Variants in AFP observed in about 807,000 individuals in gnomAD.
The protein encoded by AFP is alpha-fetoprotein.
In AFP, 64 loss-of-function variants were observed where a neutral mutation model predicts 78.9. That is an observed-to-expected ratio of 0.81 (90% CI 0.66 to 1.00). The LOEUF (loss-of-function observed/expected upper bound fraction) is 1.00. Among genes scored for constraint, AFP ranks in the 50% least tolerant of loss-of-function variants. The probability of loss-of-function intolerance (pLI) is 0.00; values close to 1 mark genes in which losing one functional copy is unlikely to be tolerated. For missense variants in AFP, 689 were observed against 703.8 expected, an observed-to-expected ratio of 0.98 and a Z score of 0.24; for synonymous variants, 254 against 243.8, an observed-to-expected ratio of 1.04 and a Z score of -0.39.
intron 11 of AFP, among the ~76,000 whole-genome samples, chr4:73,451,729 C>A (rs1391833934): frequency 6.6e-6 from 1 of 152,166 alleles, no homozygotes; most frequent in African/African-American, 2.4e-5. Flanking sequence ...ACAAATTATA[C>A]CACCCTCATA....
intron 5 of AFP, among the ~76,000 whole-genome samples, chr4:73,442,679 A>C (rs1376429809): frequency 6.6e-6 from 1 of 152,192 alleles, no homozygotes; most frequent in Non-Finnish European, 1.5e-5. Context: ...AAAGACAGAC[A>C]GACAGAAAGA....
intron 9 of AFP, 102 bp downstream of exon 9, chr4:73,449,569 A>G: frequency 7.4e-7 from 1 of 1,348,686 alleles, no homozygotes; most frequent in Non-Finnish European, 1.1e-6. Flanking sequence ...ACTAGTTGTT[A>G]GCCAGTTATA....
intron 11 of AFP, 71 bp from the exon 12 acceptor site, chr4:73,452,330 T>C (rs1720018791): frequency 8.0e-7 from 1 of 1,252,924 alleles, no homozygotes; most frequent in Non-Finnish European, 1.2e-6. Context: ...GCAGCAGTTT[T>C]CTGAAAAACT....
At chr4:73,444,614 G>T (rs903456784) in intron 6 of AFP, among the ~76,000 whole-genome samples, 7 of 152,018 alleles carry the variant, frequency 4.6e-5, no homozygotes, top group African/African-American at 1.4e-4. Flanking sequence ...TTTTACCCCA[G>T]TAAAAAATGG....
chr4:73,447,296 A>C (rs1719858538), intron 7 of AFP, among the ~76,000 whole-genome samples, 166 bp from the exon 8 acceptor site: 4 of 146,810 alleles, frequency 2.7e-5, no homozygotes, highest in African/African-American at 7.5e-5. Context: ...TCCTTCCTCC[A>C]TCCCTCTCTA....
intron 8 of AFP, among the ~76,000 whole-genome samples, chr4:73,448,839 A>G (rs890909445): frequency 4.6e-5 from 7 of 152,094 alleles, no homozygotes; most frequent in African/African-American, 1.7e-4. Flanking sequence ...CCACATTCAA[A>G]GTTAGTGGCC....
At chr4:73,444,934 T>G in intron 6 of AFP, 59 bp from the exon 7 acceptor site, 1 of 1,439,624 alleles carries the variant, frequency 6.9e-7, no homozygotes, top group South Asian at 1.2e-5. Flanking sequence ...CTCTATAAAT[T>G]CTATTTTATT....
chr4:73,453,994 T>G, intron 13 of AFP, 97 bp downstream of exon 13: 1 of 1,427,772 alleles, frequency 7.0e-7, no homozygotes, highest in Admixed American at 1.9e-5. Context: ...CTTTAAAATA[T>G]TTTCAGAGAG....
intron 6 of AFP, 39 bp downstream of exon 6, chr4:73,443,483 A>G: frequency 1.3e-6 from 2 of 1,491,880 alleles, no homozygotes; most frequent in South Asian, 2.3e-5. Flanking sequence ...GGTGAGAGCT[A>G]CAGAACTACC....
At position 73,437,823 on chromosome 4, in the gene AFP, AT is replaced by A. The variant is rs528295808; in HGVS notation, c.138-342del. 1.0e-3 allele frequency among the ~76,000 whole-genome samples: 157 copies of A among 150,990 alleles called. 1 individual carries two copies. The highest frequency in any genetic ancestry group is 7.9e-3 in the South Asian group (38 of 4,798). ...CTGTTAGAGGTCTGTCTAATTACCA[AT>A]TTTTTTTTGCTTAAATTTAAAAGTA... On this transcript the variant is annotated intron_variant, in intron 2 of 14. Transcript: ENST00000395792.
In AFP at chr4:73,453,786, G is replaced by T; in HGVS notation, c.1674G>T (p.Lys558Asn). The T allele has an allele frequency of 6.2e-7, 1 of 1,613,658 alleles. No homozygotes were observed. The highest frequency in any genetic ancestry group is 8.5e-7 in the Non-Finnish European group (1 of 1,179,642). The change falls in exon 13 of 15, where the codon AAG becomes AAT. Residue 558 changes from lysine (K) to asparagine (N), a missense_variant. Lys to Asn is a moderately conservative substitution (Grantham distance 94, BLOSUM62 0). Transcript: ENST00000395792. ...ACAGGTTTCTCATTAACCTTGTGAAGCAAAAGCCACAAATAACAGAGGAAC... is the reference window on the plus strand; with the variant it reads ...ACAGGTTTCTCATTAACCTTGTGAATCAAAAGCCACAAATAACAGAGGAAC... ...MKQEFLINLV[K>N]QKPQITEEQL...
At position 73,447,552 on chromosome 4, in the gene AFP, C is replaced by A; in HGVS notation, c.934C>A (p.Gln312Lys). Residue 312 changes from glutamine to lysine, a missense_variant, in exon 8 of 15, where the codon CAA (glutamine) becomes AAA (lysine). Physicochemically the swap from Gln to Lys is moderately conservative, Grantham distance 53. Coordinates refer to ENST00000395792, the MANE Select transcript of AFP (RefSeq NM_001134.3). The stretch of plus-strand genomic sequence containing the variant: ...CAAACTGACCACGCTGGAACGTGGT[C>A]AATGTATAATTCATGCAGAAAATGA... ...CCKLTTLERGQCIIHAENDEK... is the reference protein window; with the variant it reads ...CCKLTTLERGKCIIHAENDEK... 2 of 1,612,584 alleles carry A rather than the reference C, an allele frequency of 1.2e-6. No individual in the cohort carries two copies. Among genetic ancestry groups the A allele is most frequent in the South Asian group, 2.2e-5 (2 of 90,922 alleles).
chr4:73,453,596 C>T (rs1720072742), intron 12 of AFP, 169 bp from the exon 13 acceptor site: 3 of 738,854 alleles, frequency 4.1e-6, no homozygotes, highest in Non-Finnish European at 6.7e-6. Context: ...GGCATGCTTT[C>T]AGCCTCAATC....
intron 8 of AFP, 111 bp downstream of exon 8, chr4:73,447,787 G>T (rs1719875569): frequency 4.5e-6 from 4 of 893,360 alleles, no homozygotes. Flanking sequence ...TTCAATATGT[G>T]AGGATATTTG....
rs765025434 is a variant in AFP at position 73,447,412 on chromosome 4, T to C, written c.844-50T>C. 10 of 1,394,288 alleles carry C rather than the reference T, an allele frequency of 7.2e-6. No homozygotes were observed. The Admixed American group carries it at 1.5e-4, about 21-fold the overall frequency. 86.4% of individuals were successfully genotyped at this position (1,394,288 alleles called of 1,614,324 possible). On this transcript the variant is annotated intron_variant, in intron 7 of 14. Transcript: ENST00000395792. ...TTTCTAAAGCTGGCTTTGAGATCCT[T>C]TATTAAAGAATAAATCTTTAAAACT...
chr4:73,446,622 CGTGG>C (rs1315410708), intron 7 of AFP, among the ~76,000 whole-genome samples: 343 of 30,462 alleles, frequency 0.011, 2 homozygotes, highest in African/African-American at 0.033. Flanking sequence ...CGGAATTTCT[CGTGG>C]AGCAGAAAGT....
At chr4:73,445,941 T>C (rs6446933) in intron 7 of AFP, among the ~76,000 whole-genome samples, 149,320 of 152,248 alleles carry the variant, frequency 0.98, 73,297 homozygotes, top group East Asian at 1. Context: ...CTCCATGACA[T>C]ACCAAAGAGA....
rs552654353 is a variant in AFP at position 73,449,289 on chromosome 4, T to A, written c.1059-46T>A. The A allele has an allele frequency of 4.3e-5, 68 of 1,569,408 alleles. No homozygotes were observed. The Admixed American group carries it at 1.1e-3, about 27-fold the overall frequency. ...ACTGGAGAAGTGATGGCTCCTTTTG[T>A]CTCTTAGTTCCAATAACTTGAAATA... On this transcript the variant is annotated intron_variant, in intron 8 of 14. Coordinates refer to ENST00000395792, the MANE Select transcript of AFP (RefSeq NM_001134.3).
At position 73,440,749 on chromosome 4, in the gene AFP, C is replaced by A. The variant is rs371770284; in HGVS notation, c.418C>A (p.Gln140Lys). 2.0e-5 allele frequency: 33 copies of A among 1,614,130 alleles called. No homozygotes were observed. The African/African-American group carries it at 3.9e-4, about 19-fold the overall frequency. ...CACTCCAGCATCGATCCCACTTTTC[C>A]AAGTTCCAGAACCTGTCACAAGCTG... ...KPTPASIPLF[Q>K]VPEPVTSCEA... The change falls in exon 4 of 15, where the codon CAA becomes AAA. Residue 140 changes from glutamine (Q) to lysine (K), a missense_variant. Coordinates refer to ENST00000395792, the MANE Select transcript of AFP (RefSeq NM_001134.3).
Sources: gnomAD v4.1 joint callset for allele counts (sites outside exome capture counted in the v4.1 genomes callset) on GRCh38, gnomAD v4.1.1 for gene constraint, MANE v1.5 for transcripts, NCBI Gene and HGNC (gene_info 2026-07-23, HGNC 2026-07-21) for gene names.